Variants in RGS18 observed in about 807,000 individuals in gnomAD.
The protein encoded by RGS18 is regulator of G protein signaling 18.
Under a neutral mutation model 27.6 loss-of-function variants are expected in RGS18, and 22 were observed. That is an observed-to-expected ratio of 0.80 (90% confidence interval 0.57 to 1.14). The LOEUF (loss-of-function observed/expected upper bound fraction) is 1.14. Ranked by LOEUF, RGS18 falls within the 50% of genes most tolerant of loss-of-function variation. The probability of loss-of-function intolerance (pLI) is 0.00; values close to 1 mark genes in which losing one functional copy is unlikely to be tolerated. For synonymous variants in RGS18, 89 were observed against 84.6 expected (o/e 1.05, Z -0.29); for missense variants, 299 against 269.6 (o/e 1.11, Z -0.76).
At chr1:192,172,543 C>A (rs1293109994) in intron 3 of RGS18, among the ~76,000 whole-genome samples, 2 of 151,812 alleles carry the variant, frequency 1.3e-5, no homozygotes, top group Non-Finnish European at 2.9e-5. Context: ...TCCTTTATAG[C>A]AACACAAAAC....
intron 3 of RGS18, among the ~76,000 whole-genome samples, chr1:192,178,831 T>A (rs891506356): frequency 1.3e-5 from 2 of 151,666 alleles, no homozygotes; most frequent in African/African-American, 2.4e-5. Context: ...GATTAAAATA[T>A]TTTAATGATA....
Position 192,184,774 on chromosome 1 carries a change from G to GA in RGS18, c.*228dup, listed in dbSNP as rs530209467. ...TTTGATGTCATTCCATTTATAATCA[G>GA]AAAAAAAACTTATTTCTTAATCAAA... On this transcript the variant is annotated 3_prime_UTR_variant, in exon 5 of 5. Coordinates refer to ENST00000367460, the MANE Select transcript of RGS18 (RefSeq NM_130782.3). 2.6e-4 allele frequency: 109 copies of GA among 421,844 alleles called. No homozygotes were observed. The highest frequency in any genetic ancestry group is 1.8e-3 in the East Asian group (51 of 27,580). The allele number at this position is 421,844 out of a possible 1,614,324, so 26.1% of individuals were successfully genotyped here.
Position 192,181,438 on chromosome 1 carries a change from C to G in RGS18, c.430C>G (p.Gln144Glu). The G allele has an allele frequency of 1.3e-6, 2 of 1,562,830 alleles. No homozygotes were observed. Among genetic ancestry groups the G allele is most frequent in the Non-Finnish European group, 1.7e-6 (2 of 1,160,128 alleles). Residue 144 changes from glutamine to glutamate, a missense_variant, in exon 4 of 5, where the codon CAG becomes GAG. Transcript: ENST00000367460. ...AAAAGCAATATATGAGAAATTTATA[C>G]AGACTGATGCCCCAAAAGAGGTACA... ...KAKAIYEKFI[Q>E]TDAPKEVNLD...
chr1:192,162,110 A>G (rs1024972874), intron 3 of RGS18, among the ~76,000 whole-genome samples: 1 of 152,194 alleles, frequency 6.6e-6, no homozygotes, highest in Non-Finnish European at 1.5e-5. Context: ...GTTTGTGCTG[A>G]CAAAGTTTAA....
At chr1:192,160,054 A>T (rs1386920041) in intron 2 of RGS18, among the ~76,000 whole-genome samples, 8 of 152,228 alleles carry the variant, frequency 5.3e-5, no homozygotes, top group African/African-American at 1.9e-4. Context: ...GAATTTAAAC[A>T]GATAGTTGAC....
intron 3 of RGS18, among the ~76,000 whole-genome samples, chr1:192,166,741 G>A (rs745457928): frequency 6.6e-6 from 1 of 152,142 alleles, no homozygotes; most frequent in African/African-American, 2.4e-5. Flanking sequence ...TAATAGATGC[G>A]AAATAGAGGA....
intron 3 of RGS18, among the ~76,000 whole-genome samples, chr1:192,175,161 T>G (rs1425898684): frequency 1.3e-5 from 2 of 151,888 alleles, no homozygotes; most frequent in Non-Finnish European, 2.9e-5. Flanking sequence ...AAATTTTGTC[T>G]TAGGTCTTTT....
chr1:192,172,882 T>TATATATATATATAA (rs1407068832), intron 3 of RGS18, among the ~76,000 whole-genome samples: 4 of 104,890 alleles, frequency 3.8e-5, no homozygotes, highest in African/African-American at 2.8e-5. Flanking sequence ...TATATATATA[T>TATATATATATATAA]AAATATATAT....
rs1476910237 is a variant in RGS18 at position 192,181,300 on chromosome 1, G to C, written c.292G>C (p.Glu98Gln). The C allele has an allele frequency of 1.3e-6, 2 of 1,493,054 alleles. No individual in the cohort carries two copies. Among genetic ancestry groups the C allele is most frequent in the Non-Finnish European group, 1.8e-6 (2 of 1,099,176 alleles). 92.5% of individuals were successfully genotyped at this position (1,493,054 alleles called of 1,614,324 possible). The stretch of plus-strand genomic sequence containing the variant: ...ATTTATTTTCTTGATAGATGGACTA[G>C]AGGCTTTTACCAGATTTCTTAAAAC... ...DKLLSHRDGL[E>Q]AFTRFLKTEF... Residue 98 changes from glutamate to glutamine, a missense_variant, in exon 4 of 5, where the codon GAG becomes CAG. Physicochemically the swap from Glu to Gln is conservative, Grantham distance 29. Transcript: ENST00000367460.
chr1:192,181,268 T>C (rs1260268961), intron 3 of RGS18, 24 bp from the exon 4 acceptor site: 2 of 1,250,932 alleles, frequency 1.6e-6, no homozygotes, highest in African/African-American at 1.5e-5. Flanking sequence ...CATTTTATAG[T>C]TATATTATTT....
rs971922909 is a variant in RGS18 at position 192,176,931 on chromosome 1, C to G, written c.284-4361C>G. On this transcript the variant is annotated intron_variant, in intron 3 of 4. Coordinates refer to ENST00000367460, the MANE Select transcript of RGS18 (RefSeq NM_130782.3). ...ATTTACCACAAACTCTAGCTTCACA[C>G]GTTCTCAAAATTGATGCTGTCATCT... Among the ~76,000 whole-genome samples the G allele has an allele frequency of 4.6e-5, 7 of 151,738 alleles. No individual in the cohort carries two copies. The South Asian group carries it at 1.4e-3, about 31-fold the overall frequency.
intron 3 of RGS18, among the ~76,000 whole-genome samples, chr1:192,175,043 A>G (rs528177084): frequency 2.0e-5 from 3 of 151,936 alleles, no homozygotes; most frequent in Non-Finnish European, 2.9e-5. Flanking sequence ...TAGCATATCC[A>G]TCCCTTCTGC....
chr1:192,171,143 C>T (rs1373551295), intron 3 of RGS18, among the ~76,000 whole-genome samples: 1 of 152,094 alleles, frequency 6.6e-6, no homozygotes, highest in African/African-American at 2.4e-5. Context: ...AGGAAATGTA[C>T]AATGTATCAA....
chr1:192,181,517 A>G (rs1167921166), intron 4 of RGS18, 59 bp downstream of exon 4: 1 of 1,140,610 alleles, frequency 8.8e-7, no homozygotes, highest in East Asian at 3.0e-5. Context: ...TAATAATTTT[A>G]TTTTTAAATT....
At chr1:192,173,860 C>T (rs1557937257) in intron 3 of RGS18, among the ~76,000 whole-genome samples, 1 of 151,650 alleles carries the variant, frequency 6.6e-6, no homozygotes, top group African/African-American at 2.4e-5. Flanking sequence ...CCAACTTTGG[C>T]TTTGTTAATC....
chr1:192,173,336 C>A (rs1656296270), intron 3 of RGS18, among the ~76,000 whole-genome samples: 1 of 151,812 alleles, frequency 6.6e-6, no homozygotes, highest in Non-Finnish European at 1.5e-5. Flanking sequence ...TGTGTAGAAT[C>A]TTTGCTTCTA....
intron 1 of RGS18, 127 bp from the exon 2 acceptor site, chr1:192,159,093 G>A: frequency 1.6e-6 from 1 of 618,326 alleles, no homozygotes; most frequent in African/African-American, 1.8e-5. Context: ...ATATTTAAAT[G>A]GGATTCATGA....
intron 4 of RGS18, among the ~76,000 whole-genome samples, chr1:192,183,744 G>A (rs1656494932): frequency 6.6e-6 from 1 of 151,450 alleles, no homozygotes; most frequent in South Asian, 2.1e-4. Context: ...CTATAGAATG[G>A]AATATTCAGC....
chr1:192,165,638 C>T (rs969953903), intron 3 of RGS18, among the ~76,000 whole-genome samples: 1 of 152,112 alleles, frequency 6.6e-6, no homozygotes, highest in Non-Finnish European at 1.5e-5. Context: ...TAGAAAAGAA[C>T]CTATGTTGAA....
Sources: allele counts gnomAD v4.1 joint callset (sites outside exome capture counted in the v4.1 genomes callset), GRCh38; gene constraint gnomAD v4.1.1; transcripts MANE v1.5; gene names NCBI Gene and HGNC (gene_info 2026-07-23, HGNC 2026-07-21).